The following EBF4 variants were observed in gnomAD, a reference collection of about 807,000 sequenced individuals.
The protein encoded by EBF4 is EBF transcription factor 4.
Under a neutral mutation model 67.1 loss-of-function variants are expected in EBF4, and 34 were observed. That is an observed-to-expected ratio of 0.51 (90% CI 0.39 to 0.67). The LOEUF (loss-of-function observed/expected upper bound fraction) is 0.67, where lower values mean the gene tolerates loss of function less well. Among genes scored for constraint, EBF4 ranks in the 30% least tolerant of loss-of-function variants. EBF4 has a pLI of 0.00. For synonymous variants in EBF4, 387 were observed against 377.7 expected (o/e 1.02, Z -0.29); for missense variants, 837 against 873.3 (o/e 0.96, Z 0.52).
intron 6 of EBF4, among the ~76,000 whole-genome samples, chr20:2,714,747 A>G (rs968192228): frequency 2.6e-5 from 4 of 152,088 alleles, no homozygotes; most frequent in African/African-American, 9.7e-5. Context: ...AGTTGTCCAT[A>G]TTTTTTCAAG....
intron 9 of EBF4, 44 bp from the exon 10 acceptor site, chr20:2,749,803 C>G: frequency 1.3e-6 from 2 of 1,541,564 alleles, no homozygotes; most frequent in South Asian, 1.2e-5. Context: ...TGGGCCCTCC[C>G]CTCGCCGGTG....
chr20:2,694,686 T>C (rs2087263076), intron 1 of EBF4, among the ~76,000 whole-genome samples: 1 of 152,128 alleles, frequency 6.6e-6, no homozygotes, highest in South Asian at 2.1e-4. Context: ...AAGTCTGAGC[T>C]GTTGCAGCAG....
At chr20:2,697,792 C>T (rs1035996826) in intron 1 of EBF4, among the ~76,000 whole-genome samples, 2 of 152,174 alleles carry the variant, frequency 1.3e-5, no homozygotes, top group African/African-American at 4.8e-5. Flanking sequence ...CTCAAGTCCT[C>T]CTGCTGGCAC....
At chr20:2,752,169 C>T (rs1327409962) in exon 13 of EBF4, 1 of 1,443,952 alleles carries the variant, frequency 6.9e-7, no homozygotes. Context: ...CACCCCTGGC[C>T]CCGAGCCACC....
chr20:2,728,881 T>C (rs562561889), intron 6 of EBF4, among the ~76,000 whole-genome samples: 5 of 152,234 alleles, frequency 3.3e-5, no homozygotes, highest in East Asian at 1.9e-4. Context: ...CAGATCACCA[T>C]AGTATTAATA....
chr20:2,735,584 C>T (rs1250919567), intron 6 of EBF4, among the ~76,000 whole-genome samples: 1 of 152,196 alleles, frequency 6.6e-6, no homozygotes, highest in South Asian at 2.1e-4. Context: ...TTCCCAAAGT[C>T]CTGTCCCTGT....
At chr20:2,752,167 G>A in exon 13 of EBF4, 2 of 1,444,986 alleles carry the variant, frequency 1.4e-6, no homozygotes, top group Non-Finnish European at 1.8e-6. Context: ...CGCACCCCTG[G>A]CCCCGAGCCA....
chr20:2,709,743 G>C, intron 6 of EBF4, 101 bp downstream of exon 6: 1 of 1,204,238 alleles, frequency 8.3e-7, no homozygotes, highest in East Asian at 3.0e-5. Flanking sequence ...GAGCGGAGCA[G>C]CCCCCCCGGG....
upstream of EBF4, among the ~76,000 whole-genome samples, chr20:2,693,422 A>T (rs2146351491): frequency 6.7e-6 from 1 of 148,206 alleles, no homozygotes; most frequent in African/African-American, 2.5e-5. The surrounding 1 kb of genome is among the most constrained non-coding windows in gnomAD (Gnocchi z 4.6). Flanking sequence ...GAATCCCTCC[A>T]TCTCCCCGCC....
chr20:2,740,228 G>T (rs2024555), intron 6 of EBF4, among the ~76,000 whole-genome samples: 55,747 of 151,936 alleles, frequency 0.37, 10,893 homozygotes, highest in Admixed American at 0.48. Flanking sequence ...CGGGAGAATC[G>T]CTTGAACCCA....
intron 6 of EBF4, among the ~76,000 whole-genome samples, chr20:2,723,506 C>G (rs1037939977): frequency 6.6e-6 from 1 of 151,390 alleles, no homozygotes; most frequent in Non-Finnish European, 1.5e-5. Context: ...GCCGCCACCA[C>G]GCCCGGCTAA....
In EBF4 at chr20:2,752,304, A is replaced by G. The variant is rs1464849612; in HGVS notation, c.1351+41A>G. ...CTCCCCGCCGTCCTCGGGCGCCGCC[A>G]CCGCCCCTCCCCGGCCGGCACCGCC... On this transcript the variant is annotated intron_variant, in intron 13 of 16. Coordinates refer to ENST00000609451, the Ensembl canonical transcript of EBF4. 20 of 1,204,478 alleles carry G rather than the reference A, an allele frequency of 1.7e-5. No individual in the cohort carries two copies. The African/African-American group carries it at 3.2e-4, about 19-fold the overall frequency. 74.6% of individuals were successfully genotyped at this position (1,204,478 alleles called of 1,614,324 possible). A position where few individuals can be genotyped will look rare whatever the true frequency, so the allele number is the denominator to read the frequency against.
Position 2,755,967 on chromosome 20 carries a change from C to T in EBF4, c.1738+143C>T. The T allele has an allele frequency of 1.1e-6, 1 of 922,396 alleles. No homozygotes were observed. The highest frequency in any genetic ancestry group is 2.7e-5 in the East Asian group (1 of 37,502). The allele number at this position is 922,396 out of a possible 1,614,324, so 57.1% of individuals were successfully genotyped here. A position where few individuals can be genotyped will look rare whatever the true frequency, so the allele number is the denominator to read the frequency against. On this transcript the variant is annotated intron_variant, in intron 15 of 16. Coordinates refer to ENST00000609451, the Ensembl canonical transcript of EBF4. The surrounding 1 kb of genome is among the most constrained non-coding windows in gnomAD (Gnocchi z 4.7). ...TTCTTGGAGGACGGAGAGCAGGGAGCTCTGCTGGGGTCCAGGGAGGTCCCT... is the reference window on the plus strand; with the variant it reads ...TTCTTGGAGGACGGAGAGCAGGGAGTTCTGCTGGGGTCCAGGGAGGTCCCT...
rs1255520111 is a variant in EBF4 at position 2,693,823 on chromosome 20, G to A, written c.137+41G>A. The A allele has an allele frequency of 7.1e-6, 9 of 1,261,246 alleles. No individual in the cohort carries two copies. The highest frequency in any genetic ancestry group is 8.0e-6 in the Non-Finnish European group (8 of 1,002,462). 78.1% of individuals were successfully genotyped at this position (1,261,246 alleles called of 1,614,324 possible). ...GGACCCGGTGCGCTCGGGTTGGACG[G>A]CTGCGCGCCGCCTCAGCTCAGCTTG... On this transcript the variant is annotated intron_variant, in intron 1 of 16. Transcript: ENST00000609451. The surrounding 1 kb of genome is among the most constrained non-coding windows in gnomAD (Gnocchi z 4.6).
In EBF4 at chr20:2,718,936, C is replaced by T. The variant is rs546036160; in HGVS notation, c.557+9294C>T. 5.3e-5 allele frequency among the ~76,000 whole-genome samples: 8 copies of T among 152,272 alleles called. No homozygotes were observed. In the South Asian group the frequency reaches 1.7e-3, roughly 32 times the overall value. ...GACATACACTTCTCCTCAAGTACTG[C>T]TTTCGGAGCATACCCAAAATTCTGA... On this transcript the variant is annotated intron_variant, in intron 6 of 16. Transcript: ENST00000609451.
intron 2 of EBF4, 52 bp downstream of exon 2, chr20:2,705,785 C>CCACACA (rs71193988): frequency 0.035 from 26,224 of 743,436 alleles, 269 homozygotes; most frequent in South Asian, 0.039. Context: ...GAACCCCCAA[C>CCACACA]CACACACACA....
At chr20:2,721,245 T>G (rs2087675760) in intron 6 of EBF4, among the ~76,000 whole-genome samples, 1 of 129,858 alleles carries the variant, frequency 7.7e-6, no homozygotes, top group Non-Finnish European at 1.6e-5. Flanking sequence ...CTGATTCTCT[T>G]CTTTTTTTTT....
At chr20:2,693,353 C>T (rs1343416291), upstream of EBF4, among the ~76,000 whole-genome samples, 1 of 150,770 alleles carries the variant, frequency 6.6e-6, no homozygotes, top group African/African-American at 2.4e-5. This position sits in a 1 kb window ranked among gnomAD's most constrained non-coding sequence, Gnocchi z 4.6. Flanking sequence ...GGTGCGGGCT[C>T]CGCTCCCCGC....
intron 14 of EBF4, among the ~76,000 whole-genome samples, chr20:2,754,142 G>A (rs997467115): frequency 6.6e-6 from 1 of 152,134 alleles, no homozygotes; most frequent in African/African-American, 2.4e-5. Flanking sequence ...TGGACTTGAG[G>A]GAGGGTTGGT....
Sources: allele counts gnomAD v4.1 joint callset (sites outside exome capture counted in the v4.1 genomes callset), GRCh38; gene constraint gnomAD v4.1.1; non-coding constraint Gnocchi (gnomAD v3.1); transcripts MANE v1.5; gene names NCBI Gene and HGNC (gene_info 2026-07-23, HGNC 2026-07-21).